Variants in SSBP2 observed in about 807,000 individuals in gnomAD.
SSBP2 encodes the protein single stranded DNA binding protein 2.
In SSBP2, 17 loss-of-function variants were observed where a neutral mutation model predicts 61.8. The ratio of observed to expected loss-of-function variants is 0.28; its 90% confidence interval spans 0.19 to 0.41. The LOEUF is 0.41. Among genes scored for constraint, SSBP2 ranks in the 10% least tolerant of loss-of-function variants. The pLI, the probability that SSBP2 is intolerant of heterozygous loss-of-function variation, is 1.00. For synonymous variants in SSBP2, 139 were observed against 141.3 expected, an observed-to-expected ratio of 0.98 and a Z score of 0.12; for missense variants, 310 against 458.7, an observed-to-expected ratio of 0.68 and a Z score of 2.96.
At chr5:81,435,402 T>C (rs1387641008) in intron 15 of SSBP2, among the ~76,000 whole-genome samples, 2 of 152,150 alleles carry the variant, frequency 1.3e-5, no homozygotes, top group Non-Finnish European at 1.5e-5. Context: ...TAAGAAGACT[T>C]TTCTATGTCC....
At position 81,462,033 on chromosome 5, in the gene SSBP2, CT is replaced by C. The variant is rs1391229235; in HGVS notation, c.639-931del. Among the ~76,000 whole-genome samples, 7 of 152,212 alleles carry C rather than the reference CT, an allele frequency of 4.6e-5. No individual in the cohort carries two copies. The East Asian group carries it at 1.3e-3, about 29-fold the overall frequency. ...GAAAATTTTTAATTAAAAAAAATCC[CT>C]TGATTCTAAGACCTTAAACCTAAAA... On this transcript the variant is annotated intron_variant, in intron 9 of 16. Coordinates refer to ENST00000320672, the MANE Select transcript of SSBP2 (RefSeq NM_012446.5).
intron 15 of SSBP2, 82 bp from the exon 16 acceptor site, chr5:81,428,765 A>AGTACAGT: frequency 1.1e-6 from 1 of 905,602 alleles, no homozygotes; most frequent in Admixed American, 1.8e-5. Flanking sequence ...ATATTGAAAC[A>AGTACAGT]GCATCCCTAA....
intron 4 of SSBP2, among the ~76,000 whole-genome samples, chr5:81,540,052 T>A (rs1043212464): frequency 6.6e-6 from 1 of 152,176 alleles, no homozygotes; most frequent in African/African-American, 2.4e-5. Flanking sequence ...TTCGTCCATG[T>A]CCCTACAAAG....
chr5:81,494,639 C>T (rs1767153342), intron 5 of SSBP2, among the ~76,000 whole-genome samples: 1 of 152,172 alleles, frequency 6.6e-6, no homozygotes, highest in African/African-American at 2.4e-5. Flanking sequence ...GCACCTTGAT[C>T]TTGGACTTCC....
At position 81,561,855 on chromosome 5, in the gene SSBP2, C is replaced by T. The variant is rs114380203; in HGVS notation, c.283-48138G>A. Among the ~76,000 whole-genome samples, 646 of 152,242 alleles carry T rather than the reference C, an allele frequency of 4.2e-3. 2 individuals carry two copies. Among genetic ancestry groups the T allele is most frequent in the Non-Finnish European group, 5.6e-3 (381 of 68,006 alleles). On this transcript the variant is annotated intron_variant, in intron 4 of 16. Transcript: ENST00000320672. ...CAATGTCACAACTTTAAAAAAATCA[C>T]ATAAAACATGAAGGCAGCCTTAAAC...
chr5:81,717,917 A>G (rs1200302900), intron 1 of SSBP2, among the ~76,000 whole-genome samples: 2 of 152,168 alleles, frequency 1.3e-5, no homozygotes, highest in African/African-American at 2.4e-5. Context: ...TGGAGGATAC[A>G]TGGTTGTGGT....
At chr5:81,635,563 C>G (rs1418689407) in intron 3 of SSBP2, among the ~76,000 whole-genome samples, 2 of 151,730 alleles carry the variant, frequency 1.3e-5, no homozygotes, top group Non-Finnish European at 2.9e-5. Flanking sequence ...ACTTGATAAC[C>G]CACTTTGTAG....
At chr5:81,585,244 C>A (rs930834560) in intron 4 of SSBP2, among the ~76,000 whole-genome samples, 1 of 152,024 alleles carries the variant, frequency 6.6e-6, no homozygotes, top group African/African-American at 2.4e-5. Context: ...TCTGGCATAT[C>A]CTTTGCCCTT....
At chr5:81,577,308 G>A (rs1203242080) in intron 4 of SSBP2, among the ~76,000 whole-genome samples, 1 of 151,958 alleles carries the variant, frequency 6.6e-6, no homozygotes, top group Admixed American at 6.6e-5. Context: ...GTCAGTCAAA[G>A]TAAGTAATAA....
intron 6 of SSBP2, among the ~76,000 whole-genome samples, chr5:81,478,997 C>T (rs1156373616): frequency 2.0e-5 from 3 of 152,188 alleles, no homozygotes; most frequent in Non-Finnish European, 4.4e-5. Flanking sequence ...GAAGTCTTAA[C>T]CAACATCAAA....
At chr5:81,468,252 T>A (rs749834650) in intron 8 of SSBP2, among the ~76,000 whole-genome samples, 12 of 152,044 alleles carry the variant, frequency 7.9e-5, no homozygotes, top group Non-Finnish European at 1.5e-4. Context: ...CCAAAGTCCA[T>A]TGATTCTATC....
intron 4 of SSBP2, among the ~76,000 whole-genome samples, chr5:81,587,756 C>T (rs533753469): frequency 0.019 from 1,671 of 87,512 alleles, 32 homozygotes; most frequent in African/African-American, 0.06. Context: ...CGCACACACA[C>T]GCGCGCGCAC....
At chr5:81,519,957 T>C (rs975638965) in intron 4 of SSBP2, among the ~76,000 whole-genome samples, 6 of 152,066 alleles carry the variant, frequency 3.9e-5, no homozygotes, top group African/African-American at 1.4e-4. Context: ...TTTTCAAACA[T>C]CTTAATTAAA....
chr5:81,593,386 G>T (rs984071121), intron 4 of SSBP2, among the ~76,000 whole-genome samples: 9 of 152,138 alleles, frequency 5.9e-5, no homozygotes, highest in Non-Finnish European at 1.0e-4. Flanking sequence ...GAAAGTGAAG[G>T]GGAGAATGGA....
At chr5:81,590,188 G>A (rs1775390567) in intron 4 of SSBP2, among the ~76,000 whole-genome samples, 1 of 151,942 alleles carries the variant, frequency 6.6e-6, no homozygotes, top group African/African-American at 2.4e-5. Context: ...TGAGATTCTA[G>A]TCATAGATTT....
chr5:81,474,661 GA>G, intron 6 of SSBP2, 99 bp from the exon 7 acceptor site: 1 of 813,678 alleles, frequency 1.2e-6, no homozygotes, highest in Non-Finnish European at 1.8e-6. Context: ...ATAATTACAA[GA>G]ATGCATTTGA....
At chr5:81,582,748 C>T (rs2153479080) in intron 4 of SSBP2, among the ~76,000 whole-genome samples, 1 of 152,276 alleles carries the variant, frequency 6.6e-6, no homozygotes, top group East Asian at 1.9e-4. Flanking sequence ...CGTGCACCAC[C>T]ATGCTCAGCT....
intron 1 of SSBP2, 39 bp from the exon 2 acceptor site, chr5:81,650,378 T>C (rs1282028192): frequency 2.2e-6 from 3 of 1,358,866 alleles, no homozygotes; most frequent in African/African-American, 3.0e-5. Context: ...AAGAGGAATA[T>C]TAAAATTCAT....
At chr5:81,523,440 T>C (rs1769648980) in intron 4 of SSBP2, among the ~76,000 whole-genome samples, 1 of 151,980 alleles carries the variant, frequency 6.6e-6, no homozygotes, top group African/African-American at 2.4e-5. Context: ...CTCTGGGTGA[T>C]ACATTCACAT....
Sources: allele counts gnomAD v4.1 joint callset (sites outside exome capture counted in the v4.1 genomes callset), GRCh38; gene constraint gnomAD v4.1.1; transcripts MANE v1.5; gene names NCBI Gene and HGNC (gene_info 2026-07-23, HGNC 2026-07-21).